Variants in PCDHA1 observed in about 807,000 individuals in gnomAD.
The protein encoded by PCDHA1 is protocadherin alpha 1.
Under a neutral mutation model 61.3 loss-of-function variants are expected in PCDHA1, and 42 were observed. The ratio of observed to expected loss-of-function variants is 0.69; its 90% CI spans 0.54 to 0.89. The LOEUF (loss-of-function observed/expected upper bound fraction) is 0.89, where lower values mean the gene tolerates loss of function less well. Ranked by LOEUF, PCDHA1 falls within the 40% of genes least tolerant of loss-of-function variation. The probability of loss-of-function intolerance (pLI) is 0.00; values close to 1 mark genes in which losing one functional copy is unlikely to be tolerated. For synonymous variants in PCDHA1, 610 were observed against 553.8 expected, an observed-to-expected ratio of 1.10 and a Z score of -1.43; for missense variants, 1,256 against 1,235.3, an observed-to-expected ratio of 1.02 and a Z score of -0.25.
At chr5:140,871,400 C>T (rs146613275) in intron 1 of PCDHA1, 4 of 1,614,128 alleles carry the variant, frequency 2.5e-6, no homozygotes, top group Non-Finnish European at 3.4e-6. Flanking sequence ...CCACCTAAGA[C>T]GGACCTCATG....
At chr5:141,004,637 A>G (rs149340406) in intron 3 of PCDHA1, among the ~76,000 whole-genome samples, 1,579 of 152,220 alleles carry the variant, frequency 0.01, 12 homozygotes, top group Middle Eastern at 0.058. Flanking sequence ...TTGAAGAAAA[A>G]TTTCCATTTT....
intron 1 of PCDHA1, among the ~76,000 whole-genome samples, chr5:140,791,271 G>A (rs1204868934): frequency 1.3e-5 from 2 of 152,226 alleles, no homozygotes; most frequent in Non-Finnish European, 2.9e-5. Flanking sequence ...TGTGAATGGT[G>A]TGTCACTTCC....
chr5:140,854,753 A>G (rs1305589005), intron 1 of PCDHA1: 1 of 149,806 alleles, frequency 6.7e-6, no homozygotes, highest in Non-Finnish European at 1.5e-5. Context: ...GATATATTAC[A>G]TTTTCATTCC....
In PCDHA1 at chr5:140,982,645, G is replaced by A. The variant is rs2096993238; in HGVS notation, c.2542+82G>A. 3.3e-6 allele frequency: 5 copies of A among 1,522,444 alleles called. No homozygotes were observed. In the East Asian group the frequency reaches 1.2e-4, roughly 36 times the overall value. 94.3% of individuals were successfully genotyped at this position (1,522,444 alleles called of 1,614,324 possible). A position where few individuals can be genotyped will look rare whatever the true frequency, so the allele number is the denominator to read the frequency against. On this transcript the variant is annotated intron_variant, in intron 3 of 3. Transcript: ENST00000504120. ...CTACTTTTGTAAGATCAGGAATGTT[G>A]ATGGCTCTTTTTCTTTTATATTTTT...
chr5:141,000,913 A>G (rs967026969), intron 3 of PCDHA1, among the ~76,000 whole-genome samples: 1 of 152,218 alleles, frequency 6.6e-6, no homozygotes, highest in African/African-American at 2.4e-5. Context: ...GTCTCTAAAA[A>G]AAAAAATCCT....
At chr5:140,829,963 G>C (rs2150178705) in intron 1 of PCDHA1, 2 of 1,614,006 alleles carry the variant, frequency 1.2e-6, no homozygotes, top group South Asian at 1.1e-5. Context: ...CGTTTCGCGT[G>C]GGGCTGTACA....
chr5:140,851,022 T>C, intron 1 of PCDHA1: 1 of 1,428,366 alleles, frequency 7.0e-7, no homozygotes, highest in Non-Finnish European at 9.2e-7. Context: ...TCTGATAAAG[T>C]AAACCCCTTA....
chr5:140,800,292 A>G (rs1385831275), intron 1 of PCDHA1, among the ~76,000 whole-genome samples: 1 of 152,144 alleles, frequency 6.6e-6, no homozygotes, highest in Non-Finnish European at 1.5e-5. Context: ...TAAAGGACCG[A>G]CTTCTGAAAT....
rs2150444436 is a variant in PCDHA1, at chr5:140,849,672, G to T, written c.2394+60988G>T. On this transcript the variant is annotated intron_variant, in intron 1 of 3. Coordinates refer to ENST00000504120, the MANE Select transcript of PCDHA1 (RefSeq NM_018900.4). The stretch of plus-strand genomic sequence containing the variant: ...GGTTACCTGCTCCCTGACGCCCCAC[G>T]TCCCCTTCAAGCTGGTGTCCACCTA... 151 of 1,598,650 alleles carry T rather than the reference G, an allele frequency of 9.4e-5. 5 individuals carry two copies. The South Asian group carries it at 1.5e-3, about 16-fold the overall frequency.
At chr5:140,961,743 A>G (rs1585893660) in intron 1 of PCDHA1, among the ~76,000 whole-genome samples, 1 of 152,170 alleles carries the variant, frequency 6.6e-6, no homozygotes, top group East Asian at 1.9e-4. Flanking sequence ...CTTTAGTAAT[A>G]TTACAGTTTT....
intron 1 of PCDHA1, chr5:140,870,176 TACGAGAGG>T: frequency 6.2e-7 from 1 of 1,614,126 alleles, no homozygotes; most frequent in Non-Finnish European, 8.5e-7. Flanking sequence ...TCCCTCCCAG[TACGAGAGG>T]ACGCTCAGCC....
At chr5:140,857,863 G>A in intron 1 of PCDHA1, 2 of 1,597,840 alleles carry the variant, frequency 1.3e-6, no homozygotes, top group Non-Finnish European at 8.6e-7. Flanking sequence ...ACAACGCGTG[G>A]CTGTCGTATG....
In PCDHA1 at chr5:140,972,940, A is replaced by G. The variant is rs148421479; in HGVS notation, c.2395-6009A>G. The stretch of plus-strand genomic sequence containing the variant: ...GCCTCCCAAAGTGCTGGGATTACAG[A>G]TGTGAGCCACCATGCCCGGCAAAGG... On this transcript the variant is annotated intron_variant, in intron 1 of 3. Coordinates refer to ENST00000504120, the MANE Select transcript of PCDHA1 (RefSeq NM_018900.4). Among the ~76,000 whole-genome samples the G allele has an allele frequency of 9.4e-3, 1,423 of 152,078 alleles. 26 individuals are homozygous for G. The highest frequency in any genetic ancestry group is 0.032 in the African/African-American group (1,334 of 41,472).
chr5:140,893,249 T>A (rs1317089236), intron 1 of PCDHA1, among the ~76,000 whole-genome samples: 2 of 152,220 alleles, frequency 1.3e-5, no homozygotes, highest in African/African-American at 4.8e-5. Context: ...TTTCCTTTTC[T>A]TTGGATAAAT....
Position 141,009,759 on chromosome 5 carries a change from GATCTCCTGCAATCATCTCC to G in PCDHA1, c.2679_2697del (p.Pro894GlyfsTer15). 6.2e-7 allele frequency: 1 copy of G among 1,614,082 alleles called. No individual in the cohort carries two copies. The highest frequency in any genetic ancestry group is 8.5e-7 in the Non-Finnish European group (1 of 1,180,014). On this transcript the variant is annotated frameshift_variant, in exon 4 of 4. Transcript: ENST00000504120. LOFTEE classifies it high-confidence loss of function. Reference sequence around the variant, plus strand: ...TTGCCCGACAAATTCATTATCCCAGGATCTCCTGCAATCATCTCCATCCGGCAGGAGCCTACTAACAGCC... The same window carrying G: ...TTGCCCGACAAATTCATTATCCCAGGATCCGGCAGGAGCCTACTAACAGCC...
At chr5:140,922,735 G>A (rs1370700616) in intron 1 of PCDHA1, among the ~76,000 whole-genome samples, 2 of 152,078 alleles carry the variant, frequency 1.3e-5, no homozygotes, top group Admixed American at 1.3e-4. Flanking sequence ...ACAAGGTTGA[G>A]AAAAATAAAT....
intron 1 of PCDHA1, chr5:140,870,108 C>T (rs1317421695): frequency 1.2e-6 from 2 of 1,613,788 alleles, no homozygotes; most frequent in Non-Finnish European, 1.7e-6. Context: ...ACTGTACAGT[C>T]TGGGTGGAAA....
At chr5:140,870,659 T>C (rs2052268691) in intron 1 of PCDHA1, 2 of 1,612,520 alleles carry the variant, frequency 1.2e-6, no homozygotes, top group Non-Finnish European at 1.7e-6. Flanking sequence ...GTGTACGCGC[T>C]GCAGCCGTTG....
intron 1 of PCDHA1, chr5:140,836,465 G>C (rs2150261625): frequency 6.2e-7 from 1 of 1,613,860 alleles, no homozygotes; most frequent in Admixed American, 1.7e-5. Context: ...CCGAGCTGGT[G>C]GATGTCAACG....
Sources: allele counts gnomAD v4.1 joint callset (sites outside exome capture counted in the v4.1 genomes callset), GRCh38; gene constraint gnomAD v4.1.1; transcripts MANE v1.5; gene names NCBI Gene and HGNC (gene_info 2026-07-23, HGNC 2026-07-21).